SLC6A3: variants seen among roughly 807,000 people sequenced by gnomAD.
The protein encoded by SLC6A3 is sodium-dependent dopamine transporter.
SLC6A3 carries 19 observed loss-of-function variants against 70.4 expected under a neutral mutation model. The ratio of observed to expected loss-of-function variants is 0.27; its 90% CI spans 0.19 to 0.40. SLC6A3 has a LOEUF of 0.40. SLC6A3 is among the 10% of genes least tolerant of loss of function. The pLI, the probability that SLC6A3 is intolerant of heterozygous loss-of-function variation, is 1.00. For missense variants in SLC6A3, 613 were observed against 838.5 expected, an observed-to-expected ratio of 0.73 and a Z score of 3.32; for synonymous variants, 368 against 356.6, an observed-to-expected ratio of 1.03 and a Z score of -0.36.
chr5:1,414,654 A>C, intron 8 of SLC6A3, 37 bp downstream of exon 8: 1 of 1,609,308 alleles, frequency 6.2e-7, no homozygotes, highest in Non-Finnish European at 8.5e-7. Flanking sequence ...CGCTGGTGCT[A>C]CACGGAGCAG....
chr5:1,401,252 G>T lies in SLC6A3; in HGVS notation c.1768-266C>A, dbSNP rs1400881256. On this transcript the variant is annotated intron_variant, in intron 13 of 14. Transcript: ENST00000270349. This position sits in a 1 kb window ranked among gnomAD's most constrained non-coding sequence, Gnocchi z 6.1. Reference sequence around the variant, plus strand: ...AAGTCTAGCGCAGAGCAGAACATCAGCATTTGAGCACTCGCTTGAAAATAA... The same window carrying T: ...AAGTCTAGCGCAGAGCAGAACATCATCATTTGAGCACTCGCTTGAAAATAA... The T allele has an allele frequency of 8.9e-6, 6 of 672,832 alleles. No homozygotes were observed. The highest frequency in any genetic ancestry group is 1.6e-5 in the Non-Finnish European group (6 of 366,014). 41.7% of individuals were successfully genotyped at this position (672,832 alleles called of 1,614,324 possible).
At position 1,394,744 on chromosome 5, in the gene SLC6A3, G is replaced by A. The variant is rs1223917830; in HGVS notation, c.1854C>T (p.Leu618=). 1 of 1,614,048 alleles carries A rather than the reference G, an allele frequency of 6.2e-7. No homozygotes were observed. Among genetic ancestry groups the A allele is most frequent in the East Asian group, 2.2e-5 (1 of 44,884 alleles). The change falls in exon 15 of 15, where the codon CTC becomes CTT. Residue 618 remains leucine (L), a synonymous_variant. Coordinates refer to ENST00000270349, the MANE Select transcript of SLC6A3 (RefSeq NM_001044.5). The surrounding 1 kb of genome is among the most constrained non-coding windows in gnomAD (Gnocchi z 4.7). ...EVRQFTLRHW[L]KV ...TTCGTCTCTGCTCCCTCTACACCTT[G>A]AGCCAGTGGCGGAGCTGGAAAGAAA...
chr5:1,401,958 G>T lies in SLC6A3; in HGVS notation c.1767+964C>A, dbSNP rs571241751. ...CCAGAGCTCCTCCCACTCCACAGAA[G>T]CCCCCAGCCACACACTGTGCTTTGC... On this transcript the variant is annotated intron_variant, in intron 13 of 14. Coordinates refer to ENST00000270349, the MANE Select transcript of SLC6A3 (RefSeq NM_001044.5). This position sits in a 1 kb window ranked among gnomAD's most constrained non-coding sequence, Gnocchi z 6.1. Among the ~76,000 whole-genome samples, 1 of 152,324 alleles carries T rather than the reference G, an allele frequency of 6.6e-6. No individual in the cohort carries two copies. The highest frequency in any genetic ancestry group is 1.5e-5 in the Non-Finnish European group (1 of 68,022).
Position 1,437,262 on chromosome 5 carries a change from AAAAAGAAAAG to A in SLC6A3, c.418+4087_418+4096del, listed in dbSNP as rs926883844. ...GAGATTCCGTCTCACAAAAAAAAAAAAAAAGAAAAGAAAAGAAAAGAAAGAGGGGAGAGGA... is the reference window on the plus strand; with the variant it reads ...GAGATTCCGTCTCACAAAAAAAAAAAAAAAGAAAAGAAAGAGGGGAGAGGA... On this transcript the variant is annotated intron_variant, in intron 3 of 14. Transcript: ENST00000270349. This position sits in a 1 kb window ranked among gnomAD's most constrained non-coding sequence, Gnocchi z 4.8. Among the ~76,000 whole-genome samples, 19 of 151,682 alleles carry A rather than the reference AAAAAGAAAAG, an allele frequency of 1.3e-4. No individual in the cohort carries two copies. Among genetic ancestry groups the A allele is most frequent in the African/African-American group, 4.1e-4 (17 of 41,322 alleles).
At position 1,409,976 on chromosome 5, in the gene SLC6A3, G is replaced by A. The variant is rs113497841; in HGVS notation, c.1270-127C>T. ...GACACGGAACAGGGGCCACATGGCC[G>A]TCCAGGGTGCAGGATGCCTGGTAGT... On this transcript the variant is annotated intron_variant, in intron 9 of 14. Coordinates refer to ENST00000270349, the MANE Select transcript of SLC6A3 (RefSeq NM_001044.5). 45 of 1,208,802 alleles carry A rather than the reference G, an allele frequency of 3.7e-5. 3 individuals carry two copies. Among genetic ancestry groups the A allele is most frequent in the African/African-American group, 3.1e-4 (21 of 67,866 alleles). The allele number at this position is 1,208,802 out of a possible 1,614,324, so 74.9% of individuals were successfully genotyped here.
intron 4 of SLC6A3, among the ~76,000 whole-genome samples, chr5:1,422,344 C>G (rs1756457668): frequency 1.3e-5 from 2 of 148,352 alleles, no homozygotes; most frequent in Non-Finnish European, 3.0e-5. Flanking sequence ...AAGGAAGTTG[C>G]TGAGCAATGC....
In SLC6A3 at chr5:1,415,246, G is replaced by T. The variant is rs28382255; in HGVS notation, c.1032-431C>A. 6.0e-3 allele frequency among the ~76,000 whole-genome samples: 910 copies of T among 152,274 alleles called. 6 individuals are homozygous for T. Among genetic ancestry groups the T allele is most frequent in the Non-Finnish European group, 0.01 (710 of 67,994 alleles). On this transcript the variant is annotated intron_variant, in intron 7 of 14. Transcript: ENST00000270349. The stretch of plus-strand genomic sequence containing the variant: ...GGGCGCTGGTGCTGCGGGCCTGGGG[G>T]CCCCACTCTGAGGGCTGAGAAACCA...
In SLC6A3 at chr5:1,393,858, ACGCTCCTGTGGGGGCCCTG is replaced by A; in HGVS notation, c.*858_*876del. The A allele has an allele frequency of 6.9e-6, 1 of 144,546 alleles. No homozygotes were observed. Among genetic ancestry groups the A allele is most frequent in the African/African-American group, 2.8e-5 (1 of 36,088 alleles). 9.0% of individuals were successfully genotyped at this position (144,546 alleles called of 1,614,324 possible). A position where few individuals can be genotyped will look rare whatever the true frequency, so the allele number is the denominator to read the frequency against. ...CCCTGCATGCGTTCTGGGGTAGTAC[ACGCTCCTGTGGGGGCCCTG>A]CATGCGTCCAGGGATAGGACATGCT... On this transcript the variant is annotated 3_prime_UTR_variant, in exon 15 of 15. Transcript: ENST00000270349.
intron 3 of SLC6A3, 72 bp from the exon 4 acceptor site, chr5:1,432,770 C>T (rs1756736399): frequency 2.9e-6 from 3 of 1,017,930 alleles, no homozygotes; most frequent in South Asian, 1.3e-5. Context: ...CGTGTCCCTT[C>T]CACCTCCCCT....
chr5:1,411,444 G>A lies in SLC6A3; in HGVS notation c.1157-89C>T, dbSNP rs1347984856. The A allele has an allele frequency of 2.1e-6, 2 of 952,226 alleles. No homozygotes were observed. The highest frequency in any genetic ancestry group is 3.3e-5 in the African/African-American group (2 of 61,444). The allele number at this position is 952,226 out of a possible 1,614,324, so 59.0% of individuals were successfully genotyped here. A position where few individuals can be genotyped will look rare whatever the true frequency, so the allele number is the denominator to read the frequency against. On this transcript the variant is annotated intron_variant, in intron 8 of 14. Transcript: ENST00000270349. The surrounding 1 kb of genome is among the most constrained non-coding windows in gnomAD (Gnocchi z 6.5). ...CACCCCGCCCCGAGAAGCATGGCCT[G>A]CCACAGGCCTGTAGAGACTAGGGCT... is the stretch of plus-strand genomic sequence containing the variant.
chr5:1,405,322 C>T lies in SLC6A3; in HGVS notation c.1599+866G>A, dbSNP rs930703172. On this transcript the variant is annotated intron_variant, in intron 12 of 14. Transcript: ENST00000270349. The surrounding 1 kb of genome is among the most constrained non-coding windows in gnomAD (Gnocchi z 5.3). ...TGCTGGCAACTACGGGGCTGTCCCA[C>T]CTGCTGTGTGCAGGTGACGAGGGGT... Among the ~76,000 whole-genome samples the T allele has an allele frequency of 4.6e-5, 7 of 152,372 alleles. No homozygotes were observed. The highest frequency in any genetic ancestry group is 1.7e-4 in the African/African-American group (7 of 41,586).
chr5:1,410,666 T>A (rs1756094773), intron 9 of SLC6A3, among the ~76,000 whole-genome samples: 1 of 152,062 alleles, frequency 6.6e-6, no homozygotes, highest in South Asian at 2.1e-4. Flanking sequence ...TCATTCCTCA[T>A]GGGGTAGCTG....
At chr5:1,435,607 C>T (rs1462598587) in intron 3 of SLC6A3, among the ~76,000 whole-genome samples, 1 of 152,276 alleles carries the variant, frequency 6.6e-6, no homozygotes, top group Non-Finnish European at 1.5e-5. Context: ...AGCAAATGGG[C>T]CTGCTCTGAT....
At chr5:1,414,082 G>T (rs1019378725) in intron 8 of SLC6A3, among the ~76,000 whole-genome samples, 1 of 152,162 alleles carries the variant, frequency 6.6e-6, no homozygotes, top group African/African-American at 2.4e-5. Flanking sequence ...TGTGCTGGAG[G>T]CCCCAGGGAT....
rs73030157 is a variant in SLC6A3, at chr5:1,413,416, C to T, written c.1156+1275G>A. On this transcript the variant is annotated intron_variant, in intron 8 of 14. Transcript: ENST00000270349. The surrounding 1 kb of genome is among the most constrained non-coding windows in gnomAD (Gnocchi z 7.1). ...TCTGAGCGTGTTCCTACCTGCGGTG[C>T]GAGGGTCCTAGTGCCCCACTCTGTG... Among the ~76,000 whole-genome samples the T allele has an allele frequency of 5.8e-3, 883 of 152,270 alleles. 15 individuals carry two copies. Among genetic ancestry groups the T allele is most frequent in the African/African-American group, 0.02 (829 of 41,536 alleles).
At chr5:1,416,660 A>G (rs867987048) in intron 6 of SLC6A3, 10 of 306,952 alleles carry the variant, frequency 3.3e-5, no homozygotes, top group Middle Eastern at 1.1e-3. Flanking sequence ...CAGCGTCCTA[A>G]TAGCCCTCAG....
intron 4 of SLC6A3, among the ~76,000 whole-genome samples, chr5:1,424,433 C>A (rs1056458779): frequency 6.6e-6 from 1 of 152,236 alleles, no homozygotes; most frequent in Non-Finnish European, 1.5e-5. Context: ...GGCCTCCCAG[C>A]AACTTTGTGC....
chr5:1,398,166 G>C (rs1755766077), intron 14 of SLC6A3, among the ~76,000 whole-genome samples: 1 of 152,090 alleles, frequency 6.6e-6, no homozygotes, highest in Non-Finnish European at 1.5e-5. Flanking sequence ...TTCGAGACCA[G>C]CCTGGCCAAC....
At position 1,405,876 on chromosome 5, in the gene SLC6A3, G is replaced by A. The variant is rs1755966658; in HGVS notation, c.1599+312C>T. On this transcript the variant is annotated intron_variant, in intron 12 of 14. Coordinates refer to ENST00000270349, the MANE Select transcript of SLC6A3 (RefSeq NM_001044.5). The surrounding 1 kb of genome is among the most constrained non-coding windows in gnomAD (Gnocchi z 5.3). The stretch of plus-strand genomic sequence containing the variant: ...TTGATCCTCACAGGCAGAGGTGAGT[G>A]GACAGCCCGACTCACCTCCAGCTTC... Among the ~76,000 whole-genome samples the A allele has an allele frequency of 6.6e-6, 1 of 152,318 alleles. No homozygotes were observed. The highest frequency in any genetic ancestry group is 2.1e-4 in the South Asian group (1 of 4,826).
Sources: allele counts gnomAD v4.1 joint callset (sites outside exome capture counted in the v4.1 genomes callset), GRCh38; gene constraint gnomAD v4.1.1; non-coding constraint Gnocchi (gnomAD v3.1); transcripts MANE v1.5; gene names NCBI Gene and HGNC (gene_info 2026-07-23, HGNC 2026-07-21).